OR9I1: variants seen among roughly 807,000 people sequenced by gnomAD.
OR9I1 encodes olfactory receptor 9I1.
In OR9I1, 7 loss-of-function variants were observed where a neutral mutation model predicts 11.2. The observed-to-expected ratio is 0.62, with a 90% CI of 0.36 to 1.17. OR9I1 has a LOEUF of 1.17. OR9I1 is among the 50% of genes most tolerant of loss of function. OR9I1 has a pLI of 0.02. For missense variants in OR9I1, 428 were observed against 377.2 expected (o/e 1.13, Z -1.12); for synonymous variants, 165 against 153.4 (o/e 1.08, Z -0.56).
rs771082283 is a variant in OR9I1, at chr11:58,118,945, G to T, written c.500C>A (p.Ser167Tyr). 4.3e-6 allele frequency: 7 copies of T among 1,614,018 alleles called. No homozygotes were observed. In the South Asian group the frequency reaches 7.7e-5, roughly 18 times the overall value. Residue 167 changes from serine (S) to tyrosine (Y), a missense_variant, in exon 3 of 3, where the codon TCC becomes TAC. Transcript: ENST00000641439. ...ILRTTCTFTL[S>Y]FCKDNQINFF... ...GTTTATTTGATTGTCCTTACAGAAG[G>T]AGAGGGTGAAGGTGCAAGTGGTACG...
In OR9I1 at chr11:58,118,816, T is replaced by C; in HGVS notation, c.629A>G (p.Asn210Ser). 6.2e-7 allele frequency: 1 copy of C among 1,614,050 alleles called. No individual in the cohort carries two copies. Among genetic ancestry groups the C allele is most frequent in the Non-Finnish European group, 8.5e-7 (1 of 1,179,992 alleles). Residue 210 changes from asparagine to serine, a missense_variant, in exon 3 of 3, where the codon AAT becomes AGT. Coordinates refer to ENST00000641439, the MANE Select transcript of OR9I1 (RefSeq NM_001005211.2). ...ATAGGAAATCAGGATGACGGAGGCA[T>C]TGGCCAAAATCACAAAATTGCCAAA... ...IFFGNFVILANASVILISYLL... is the reference protein window; with the variant it reads ...IFFGNFVILASASVILISYLL...
chr11:58,119,072 C>T lies in OR9I1; in HGVS notation c.373G>A (p.Ala125Thr). The T allele has an allele frequency of 6.2e-7, 1 of 1,613,956 alleles. No homozygotes were observed. Among genetic ancestry groups the T allele is most frequent in the Non-Finnish European group, 8.5e-7 (1 of 1,179,984 alleles). ...LAVMAYDRYA[A>T]IRNPLLYTVA... ...GTATAGAGCAGTGGGTTGCGAATGGCAGCATAGCGATCATAGGCCATCACT... is the reference window on the plus strand; with the variant it reads ...GTATAGAGCAGTGGGTTGCGAATGGTAGCATAGCGATCATAGGCCATCACT... Residue 125 changes from alanine (A) to threonine (T), a missense_variant, in exon 3 of 3, where the codon GCC becomes ACC. By Grantham distance (58) the Ala-to-Thr change is moderately conservative. Coordinates refer to ENST00000641439, the MANE Select transcript of OR9I1 (RefSeq NM_001005211.2).
intron 2 of OR9I1, among the ~76,000 whole-genome samples, chr11:58,121,533 G>A (rs868673916): frequency 5.3e-5 from 8 of 152,302 alleles, no homozygotes; most frequent in South Asian, 2.1e-4. Flanking sequence ...ACATGTAGAG[G>A]AGCCAGGATC....
At chr11:58,122,865 TG>T (rs1456536775) in intron 2 of OR9I1, among the ~76,000 whole-genome samples, 2 of 152,144 alleles carry the variant, frequency 1.3e-5, no homozygotes, top group Non-Finnish European at 2.9e-5. Context: ...GGCTGTGGTG[TG>T]TTTTAAAATT....
In OR9I1 at chr11:58,119,080, C is replaced by A. The variant is rs769620522; in HGVS notation, c.365G>T (p.Arg122Leu). 5.9e-5 allele frequency: 96 copies of A among 1,613,782 alleles called. No individual in the cohort carries two copies. The highest frequency in any genetic ancestry group is 7.7e-5 in the Non-Finnish European group (91 of 1,179,964). ...CAGTGGGTTGCGAATGGCAGCATAG[C>A]GATCATAGGCCATCACTGCCAGCAG... ...CFLLAVMAYD[R>L]YAAIRNPLLY... is the part of the protein sequence containing the mutation. Residue 122 changes from arginine to leucine, a missense_variant, in exon 3 of 3, where the codon CGC (arginine) becomes CTC (leucine). Physicochemically the swap from Arg to Leu is moderately radical, Grantham distance 102. Coordinates refer to ENST00000641439, the MANE Select transcript of OR9I1 (RefSeq NM_001005211.2).
chr11:58,120,801 A>G (rs1301025522), intron 2 of OR9I1, among the ~76,000 whole-genome samples: 1 of 82,504 alleles, frequency 1.2e-5, no homozygotes. Context: ...TTATTTCAAT[A>G]CCATATATAT....
chr11:58,117,959 G>C lies in OR9I1; in HGVS notation c.*541C>G, dbSNP rs1231388369. On this transcript the variant is annotated 3_prime_UTR_variant, in exon 3 of 3. Coordinates refer to ENST00000641439, the MANE Select transcript of OR9I1 (RefSeq NM_001005211.2). ...ACACAAGTCTCTTCTGAAGAGAGAA[G>C]TTCATTTCTCAAACTTCCTTCCCTT... The C allele has an allele frequency of 6.6e-6, 1 of 152,370 alleles. No individual in the cohort carries two copies. Among genetic ancestry groups the C allele is most frequent in the Non-Finnish European group, 1.5e-5 (1 of 68,222 alleles). The allele number at this position is 152,370 out of a possible 1,614,324, so 9.4% of individuals were successfully genotyped here.
intron 2 of OR9I1, among the ~76,000 whole-genome samples, chr11:58,121,814 AT>A (rs1854035317): frequency 6.6e-6 from 1 of 152,156 alleles, no homozygotes; most frequent in Non-Finnish European, 1.5e-5. Context: ...ACTCATCATA[AT>A]ACCTCTTTCT....
intron 1 of OR9I1, among the ~76,000 whole-genome samples, 187 bp from the exon 2 acceptor site, chr11:58,124,826 T>G (rs753724198): frequency 2.0e-5 from 3 of 152,214 alleles, no homozygotes; most frequent in Non-Finnish European, 4.4e-5. Flanking sequence ...TTCCTAATCC[T>G]GGCAACCATT....
In OR9I1 at chr11:58,125,336, C is replaced by G. The variant is rs1027714281; in HGVS notation, c.-287G>C. The G allele has an allele frequency of 1.4e-5, 2 of 146,928 alleles. No individual in the cohort carries two copies. The highest frequency in any genetic ancestry group is 5.0e-5 in the African/African-American group (2 of 39,872). The allele number at this position is 146,928 out of a possible 1,614,324, so 9.1% of individuals were successfully genotyped here. On this transcript the variant is annotated 5_prime_UTR_variant, in exon 1 of 3. Transcript: ENST00000641439. ...TCATGGTCCTATCAGATGACAACTT[C>G]TGATGACAAAGGCAAGATTCTCTGC...
At chr11:58,121,223 G>T (rs139560454) in intron 2 of OR9I1, among the ~76,000 whole-genome samples, 1 of 152,130 alleles carries the variant, frequency 6.6e-6, no homozygotes, top group Non-Finnish European at 1.5e-5. Context: ...TTATATTTGA[G>T]TCATGGAAAT....
chr11:58,119,162 C>T lies in OR9I1; in HGVS notation c.283G>A (p.Gly95Ser), dbSNP rs781404061. The change falls in exon 3 of 3, where the codon GGC becomes AGC. Residue 95 changes from glycine to serine, a missense_variant. Gly to Ser is a moderately conservative substitution (Grantham distance 56). Transcript: ENST00000641439. ...LATGKTVISY[G>S]HCAAQFFLFT... The stretch of plus-strand genomic sequence containing the variant: ...AAAAAGAACTGGGCAGCACAGTGGC[C>T]GTAGGAGATGACCGTTTTGCCTGTG... 22 of 1,613,856 alleles carry T rather than the reference C, an allele frequency of 1.4e-5. No individual in the cohort carries two copies. Among genetic ancestry groups the T allele is most frequent in the African/African-American group, 6.7e-5 (5 of 74,904 alleles).
At chr11:58,120,803 C>CATATATATATATATATATATAT (rs61634454) in intron 2 of OR9I1, among the ~76,000 whole-genome samples, 18 of 132,668 alleles carry the variant, frequency 1.4e-4, no homozygotes, top group South Asian at 2.5e-4. Context: ...ATTTCAATAC[C>CATATATATATATATATATATAT]ATATATATAT....
At chr11:58,121,272 G>T (rs1010063155) in intron 2 of OR9I1, among the ~76,000 whole-genome samples, 1 of 152,160 alleles carries the variant, frequency 6.6e-6, no homozygotes, top group Non-Finnish European at 1.5e-5. Context: ...ATATGGTACA[G>T]ATTTGAGTCA....
rs1283524809 is a variant in OR9I1, at chr11:58,123,516, A to G, written c.-23+922T>C. ...ATCACACTGAGTTTGTGGCACATGC[A>G]TGCAAGGCCTGTTTCATACATTAGC... On this transcript the variant is annotated intron_variant, in intron 2 of 2. Coordinates refer to ENST00000641439, the MANE Select transcript of OR9I1 (RefSeq NM_001005211.2). Among the ~76,000 whole-genome samples, 6 of 152,302 alleles carry G rather than the reference A, an allele frequency of 3.9e-5. No individual in the cohort carries two copies. The East Asian group carries it at 9.6e-4, about 24-fold the overall frequency.
intron 2 of OR9I1, among the ~76,000 whole-genome samples, chr11:58,120,320 A>G (rs1218096888): frequency 6.6e-6 from 1 of 152,198 alleles, no homozygotes; most frequent in Non-Finnish European, 1.5e-5. Flanking sequence ...ACATTGTCCA[A>G]AATCAAAGTT....
chr11:58,123,005 ATAACATATT>A (rs1854050804), intron 2 of OR9I1, among the ~76,000 whole-genome samples: 1 of 149,972 alleles, frequency 6.7e-6, no homozygotes, highest in African/African-American at 2.4e-5. Flanking sequence ...TGGTATGCTT[ATAACATATT>A]TTACTTATCA....
At chr11:58,122,610 A>G (rs1311650521) in intron 2 of OR9I1, among the ~76,000 whole-genome samples, 2 of 152,132 alleles carry the variant, frequency 1.3e-5, no homozygotes, top group Admixed American at 6.6e-5. Context: ...TAAACATAAT[A>G]TTTTGGGGCC....
chr11:58,123,021 A>T (rs1854051140), intron 2 of OR9I1, among the ~76,000 whole-genome samples: 1 of 150,880 alleles, frequency 6.6e-6, no homozygotes, highest in Non-Finnish European at 1.5e-5. Flanking sequence ...TATTTTACTT[A>T]TCAATTCTAC....
Sources: allele counts gnomAD v4.1 joint callset (sites outside exome capture counted in the v4.1 genomes callset), GRCh38; gene constraint gnomAD v4.1.1; transcripts MANE v1.5; gene names NCBI Gene and HGNC (gene_info 2026-07-23, HGNC 2026-07-21).